POPDC1: variants seen among roughly 807,000 people sequenced by gnomAD.
POPDC1 encodes popeye domain cAMP effector 1, also known as popeye domain-containing protein 1.
the POPDC1 span, among the ~76,000 whole-genome samples, chr6:105,122,750 C>T: frequency 0.92 from 140,369 of 152,254 alleles, 64,860 homozygotes; most frequent in Non-Finnish European, 0.96. Context: ...TTGTAGATCG[C>T]GGTGATTAAA....
At chr6:105,097,856 A>G in the POPDC1 span, 20 of 152,368 alleles carry the variant, frequency 1.3e-4, no homozygotes, top group African/African-American at 4.6e-4. Flanking sequence ...AGTAACTGAA[A>G]ATAATTATAT....
At chr6:105,097,069 T>A in the POPDC1 span, 1 of 152,502 alleles carries the variant, frequency 6.6e-6, no homozygotes, top group Non-Finnish European at 1.5e-5. Context: ...GCAGGTTTCT[T>A]AAAATTTATG....
the POPDC1 span, among the ~76,000 whole-genome samples, chr6:105,102,318 C>T: frequency 3.3e-5 from 5 of 152,342 alleles, no homozygotes; most frequent in African/African-American, 1.2e-4. Flanking sequence ...TCAAGATCAG[C>T]TGTCATTCAC....
the POPDC1 span, among the ~76,000 whole-genome samples, chr6:105,113,934 C>G: frequency 6.6e-6 from 1 of 150,842 alleles, no homozygotes; most frequent in Non-Finnish European, 1.5e-5. Context: ...CAACTCCCAT[C>G]CCCCCCGCCA....
At chr6:105,115,828 C>G in the POPDC1 span, 1 of 1,612,742 alleles carries the variant, frequency 6.2e-7, no homozygotes, top group South Asian at 1.1e-5. Flanking sequence ...TTTTGGCTTT[C>G]TACAAAGCAA....
the POPDC1 span, among the ~76,000 whole-genome samples, chr6:105,107,663 C>G: frequency 6.6e-6 from 1 of 152,166 alleles, no homozygotes; most frequent in Admixed American, 6.5e-5. Context: ...GACGTTTTCT[C>G]CATTTCTTTC....
the POPDC1 span, among the ~76,000 whole-genome samples, chr6:105,122,405 C>A: frequency 2.0e-5 from 3 of 152,298 alleles, no homozygotes; most frequent in African/African-American, 7.2e-5. Context: ...AAAATCCAAT[C>A]CCTAGTCCCC....
chr6:105,124,729 CT>C, the POPDC1 span: 2 of 1,070,900 alleles, frequency 1.9e-6, no homozygotes, highest in Non-Finnish European at 2.8e-6. Context: ...CTGCTATCAT[CT>C]TATGCGATTT....
chr6:105,116,801 A>G, the POPDC1 span: 1 of 1,612,966 alleles, frequency 6.2e-7, no homozygotes, highest in East Asian at 2.2e-5. Flanking sequence ...TTCTGATTCC[A>G]GAAAGTATGT....
chr6:105,100,572 A>ATG, the POPDC1 span: 1 of 130,006 alleles, frequency 7.7e-6, no homozygotes, highest in African/African-American at 2.9e-5. Context: ...ATATATATGT[A>ATG]TGTATGTATG....
At chr6:105,116,587 C>A in the POPDC1 span, 1 of 784,912 alleles carries the variant, frequency 1.3e-6, no homozygotes, top group East Asian at 2.8e-5. Context: ...ACAAGTATCC[C>A]CAGTACATTT....
the POPDC1 span, among the ~76,000 whole-genome samples, chr6:105,115,069 T>G: frequency 6.6e-6 from 1 of 152,250 alleles, no homozygotes; most frequent in East Asian, 1.9e-4. Context: ...ATGTGGACTC[T>G]TAGAGTATTC....
At chr6:105,117,916 T>C in the POPDC1 span, among the ~76,000 whole-genome samples, 1 of 152,120 alleles carries the variant, frequency 6.6e-6, no homozygotes, top group Non-Finnish European at 1.5e-5. Flanking sequence ...CATGGTGGCA[T>C]GTGCCTGTAG....
chr6:105,131,737 A>G, the POPDC1 span, among the ~76,000 whole-genome samples: 63 of 152,256 alleles, frequency 4.1e-4, no homozygotes, highest in African/African-American at 1.5e-3. Flanking sequence ...TTCTGCATTT[A>G]CAGAATAAAG....
At chr6:105,117,212 C>T in the POPDC1 span, among the ~76,000 whole-genome samples, 1 of 152,222 alleles carries the variant, frequency 6.6e-6, no homozygotes, top group East Asian at 1.9e-4. Context: ...TGAAATATTT[C>T]TTTACACCCT....
chr6:105,130,460 A>G, the POPDC1 span, among the ~76,000 whole-genome samples: 1 of 152,168 alleles, frequency 6.6e-6, no homozygotes, highest in African/African-American at 2.4e-5. Context: ...AATGAAATTT[A>G]TAGTTTTTTA....
the POPDC1 span, chr6:105,124,410 A>T: frequency 3.8e-6 from 2 of 525,722 alleles, no homozygotes; most frequent in Non-Finnish European, 6.6e-6. Context: ...AAAAAAAAAG[A>T]GACAATACTA....
At chr6:105,105,081 G>T in the POPDC1 span, among the ~76,000 whole-genome samples, 2 of 152,176 alleles carry the variant, frequency 1.3e-5, no homozygotes, top group African/African-American at 2.4e-5. Flanking sequence ...ATCCTAGGAG[G>T]ATAAACCAGG....
the POPDC1 span, chr6:105,101,011 A>C: frequency 6.7e-7 from 1 of 1,499,980 alleles, no homozygotes; most frequent in South Asian, 1.4e-5. Flanking sequence ...ATAACCTAAA[A>C]GCCATGAAAA....
Sources: allele counts gnomAD v4.1 joint callset (sites outside exome capture counted in the v4.1 genomes callset), GRCh38; gene constraint gnomAD v4.1.1; transcripts MANE v1.5; gene names NCBI Gene and HGNC (gene_info 2026-07-23, HGNC 2026-07-21).